Variants in GALNT13 observed in about 807,000 individuals in gnomAD.
GALNT13 encodes polypeptide N-acetylgalactosaminyltransferase 13.
In GALNT13, 28 loss-of-function variants were observed where a neutral mutation model predicts 64.2. The observed-to-expected ratio is 0.44, with a 90% CI of 0.32 to 0.60. GALNT13 has a LOEUF of 0.60. GALNT13 is among the 20% of genes least tolerant of loss of function. GALNT13 has a pLI of 0.05. For missense variants in GALNT13, 577 were observed against 669.8 expected (o/e 0.86, Z 1.53); for synonymous variants, 214 against 224.6 (o/e 0.95, Z 0.42).
chr2:153,268,265 A>C, the GALNT13 span, among the ~76,000 whole-genome samples: 1 of 152,334 alleles, frequency 6.6e-6, no homozygotes, highest in Admixed American at 6.5e-5. Flanking sequence ...TCCAAATGGG[A>C]GATATTGGCC....
chr2:154,237,579 T>C (rs1409656909), intron 4 of GALNT13, among the ~76,000 whole-genome samples: 3 of 148,404 alleles, frequency 2.0e-5, no homozygotes, highest in Non-Finnish European at 3.0e-5. Flanking sequence ...TTATAATATA[T>C]AGTATAACAT....
At chr2:154,254,847 T>C (rs1321299025) in intron 7 of GALNT13, among the ~76,000 whole-genome samples, 1 of 151,790 alleles carries the variant, frequency 6.6e-6, no homozygotes, top group African/African-American at 2.4e-5. Flanking sequence ...AAGGTGACAG[T>C]GAAAGGTATG....
the GALNT13 span, among the ~76,000 whole-genome samples, chr2:153,105,546 TAAAG>T: frequency 6.6e-6 from 1 of 152,062 alleles, no homozygotes; most frequent in Non-Finnish European, 1.5e-5. Context: ...GAGAAGGAAA[TAAAG>T]GGCGTTCAAT....
chr2:153,526,207 A>G, the GALNT13 span, among the ~76,000 whole-genome samples: 1 of 152,244 alleles, frequency 6.6e-6, no homozygotes, highest in Admixed American at 6.5e-5. Flanking sequence ...TTGAGCAAAC[A>G]TAGGCAGTAG....
At chr2:154,365,535 A>G (rs1477954087) in intron 9 of GALNT13, among the ~76,000 whole-genome samples, 1 of 152,226 alleles carries the variant, frequency 6.6e-6, no homozygotes, top group African/African-American at 2.4e-5. Context: ...TTTAAAGGGT[A>G]AGTATTCCCA....
chr2:153,603,735 G>T, the GALNT13 span, among the ~76,000 whole-genome samples: 1 of 151,814 alleles, frequency 6.6e-6, no homozygotes, highest in Admixed American at 6.6e-5. Context: ...TCAATATTTT[G>T]GACAATGCAA....
the GALNT13 span, among the ~76,000 whole-genome samples, chr2:153,273,598 T>G: frequency 0.83 from 126,353 of 152,166 alleles, 53,709 homozygotes; most frequent in African/African-American, 0.93. Flanking sequence ...GATAATTATG[T>G]CTGAAGAGTC....
chr2:153,839,808 G>A, the GALNT13 span, among the ~76,000 whole-genome samples: 1 of 151,842 alleles, frequency 6.6e-6, no homozygotes, highest in African/African-American at 2.4e-5. Flanking sequence ...AAACCACTGT[G>A]GAGACATTGT....
the GALNT13 span, among the ~76,000 whole-genome samples, chr2:153,100,042 T>C: frequency 2.6e-5 from 4 of 152,378 alleles, no homozygotes; most frequent in South Asian, 8.3e-4. Context: ...GATCCTCATT[T>C]AGTGCAAACA....
chr2:153,823,308 A>T, the GALNT13 span, among the ~76,000 whole-genome samples: 1 of 152,214 alleles, frequency 6.6e-6, no homozygotes, highest in East Asian at 1.9e-4. Flanking sequence ...AAGTGCCTGA[A>T]TAGCCAAAGC....
At chr2:153,933,716 TG>T (rs2105361899) in intron 2 of GALNT13, among the ~76,000 whole-genome samples, 1 of 152,296 alleles carries the variant, frequency 6.6e-6, no homozygotes, top group Non-Finnish European at 1.5e-5. Flanking sequence ...TTTGTTTGTT[TG>T]TTTTTTTGGT....
At chr2:154,311,126 C>T (rs552172805) in intron 9 of GALNT13, among the ~76,000 whole-genome samples, 1 of 152,170 alleles carries the variant, frequency 6.6e-6, no homozygotes, top group East Asian at 1.9e-4. Flanking sequence ...ACCAACAATG[C>T]TTGAGCACTT....
At chr2:153,462,533 T>G in the GALNT13 span, among the ~76,000 whole-genome samples, 1 of 152,144 alleles carries the variant, frequency 6.6e-6, no homozygotes, top group African/African-American at 2.4e-5. Context: ...TCATCTCTCT[T>G]GAAGATTGAT....
the GALNT13 span, chr2:153,478,099 C>A: frequency 6.0e-6 from 4 of 670,516 alleles, no homozygotes; most frequent in Non-Finnish European, 7.3e-6. Context: ...CCGGTCGCTT[C>A]TTTCCGAAAG....
At chr2:153,696,097 G>A in the GALNT13 span, among the ~76,000 whole-genome samples, 1 of 152,118 alleles carries the variant, frequency 6.6e-6, no homozygotes, top group Non-Finnish European at 1.5e-5. Context: ...GCAAGCTGAG[G>A]AGCAAGGAAG....
chr2:154,317,086 A>G (rs1042313128), intron 9 of GALNT13, among the ~76,000 whole-genome samples: 1 of 151,830 alleles, frequency 6.6e-6, no homozygotes, highest in African/African-American at 2.4e-5. Context: ...GGTGGTATGC[A>G]CCTGTAGTCC....
chr2:153,817,224 A>G, the GALNT13 span, among the ~76,000 whole-genome samples: 1 of 152,194 alleles, frequency 6.6e-6, no homozygotes, highest in African/African-American at 2.4e-5. Flanking sequence ...CTGATAGAGG[A>G]GGAAAAACCT....
chr2:154,344,201 A>T (rs1695932970), intron 9 of GALNT13, among the ~76,000 whole-genome samples: 1 of 152,046 alleles, frequency 6.6e-6, no homozygotes, highest in African/African-American at 2.4e-5. Flanking sequence ...AAATTGCATA[A>T]TCACATAGTA....
chr2:153,766,780 TTTA>T, the GALNT13 span, among the ~76,000 whole-genome samples: 1 of 152,080 alleles, frequency 6.6e-6, no homozygotes, highest in Non-Finnish European at 1.5e-5. Context: ...CACTTAATAT[TTTA>T]TTATTTTTAC....
Sources: gnomAD v4.1 joint callset for allele counts (sites outside exome capture counted in the v4.1 genomes callset) on GRCh38, gnomAD v4.1.1 for gene constraint, MANE v1.5 for transcripts, NCBI Gene and HGNC (gene_info 2026-07-23, HGNC 2026-07-21) for gene names.